FZD3: variants seen among roughly 807,000 people sequenced by gnomAD.
The protein encoded by FZD3 is frizzled-3.
FZD3 carries 30 observed loss-of-function variants against 60.7 expected under a neutral mutation model. The observed-to-expected ratio is 0.49, with a 90% CI of 0.37 to 0.67. FZD3 has a LOEUF of 0.67. FZD3 is among the 30% of genes least tolerant of loss of function. FZD3 has a pLI of 0.00. For synonymous variants in FZD3, 246 were observed against 275.2 expected, an observed-to-expected ratio of 0.89 and a Z score of 1.05; for missense variants, 605 against 838.7, an observed-to-expected ratio of 0.72 and a Z score of 3.44.
chr8:28,527,311 A>G lies in FZD3; in HGVS notation c.551A>G (p.Asp184Gly). 6.2e-7 allele frequency: 1 copy of G among 1,614,022 alleles called. No individual in the cohort carries two copies. The highest frequency in any genetic ancestry group is 8.5e-7 in the Non-Finnish European group (1 of 1,179,928). The stretch of plus-strand genomic sequence containing the variant: ...GGTTATTCTTTTCTGCATGTGCGTG[A>G]TTGTTCACCTCCTTGTCCAAATATG... ...DLGYSFLHVR[D>G]CSPPCPNMYF... The change falls in exon 5 of 8, where the codon GAT (aspartate) becomes GGT (glycine). Residue 184 changes from aspartate to glycine, a missense_variant. Coordinates refer to ENST00000240093, the MANE Select transcript of FZD3 (RefSeq NM_017412.4). The surrounding 1 kb of genome is among the most constrained non-coding windows in gnomAD (Gnocchi z 5.0).
At chr8:28,556,187 G>C (rs1192400628) in intron 7 of FZD3, among the ~76,000 whole-genome samples, 1 of 152,172 alleles carries the variant, frequency 6.6e-6, no homozygotes, top group African/African-American at 2.4e-5. Context: ...GCAGGGGATT[G>C]AGCAGGGAAA....
At chr8:28,523,509 A>G (rs1462995177) in intron 4 of FZD3, among the ~76,000 whole-genome samples, 4 of 151,626 alleles carry the variant, frequency 2.6e-5, no homozygotes, top group Admixed American at 1.3e-4. Context: ...AGCTCACTAT[A>G]GCCTCAAACT....
chr8:28,560,868 C>G (rs1805600834), intron 7 of FZD3, among the ~76,000 whole-genome samples: 1 of 152,092 alleles, frequency 6.6e-6, no homozygotes, highest in South Asian at 2.1e-4. Context: ...TTTTCATCTG[C>G]AAACATTGTC....
rs373092388 is a variant in FZD3, at chr8:28,528,175, C to A, written c.1404+11C>A. On this transcript the variant is annotated intron_variant, in intron 5 of 7. Coordinates refer to ENST00000240093, the MANE Select transcript of FZD3 (RefSeq NM_017412.4). ...CCATGTCCATATCAGGTAAGGGAAA[C>A]CTTGTTACAAATTTCAGAATATATG... is the stretch of plus-strand genomic sequence containing the variant. The A allele has an allele frequency of 6.4e-5, 101 of 1,578,082 alleles. No individual in the cohort carries two copies. In the African/African-American group the frequency reaches 1.2e-3, roughly 19 times the overall value.
intron 3 of FZD3, among the ~76,000 whole-genome samples, chr8:28,516,142 T>A (rs776946582): frequency 4.6e-5 from 7 of 152,222 alleles, no homozygotes; most frequent in Admixed American, 6.5e-5. Context: ...TTGTTCAGTA[T>A]CTTTTGTTGA....
In FZD3 at chr8:28,569,492, G is replaced by T. The variant is rs1291524866; in HGVS notation, c.*6481G>T. 1 of 150,886 alleles carries T rather than the reference G, an allele frequency of 6.6e-6. No homozygotes were observed. The highest frequency in any genetic ancestry group is 1.5e-5 in the Non-Finnish European group (1 of 67,648). The allele number at this position is 150,886 out of a possible 1,614,324, so 9.3% of individuals were successfully genotyped here. A position where few individuals can be genotyped will look rare whatever the true frequency, so the allele number is the denominator to read the frequency against. On this transcript the variant is annotated 3_prime_UTR_variant, in exon 8 of 8. Coordinates refer to ENST00000240093, the MANE Select transcript of FZD3 (RefSeq NM_017412.4). ...TAAAATTCCGCCCAGCTCTCATTTG[G>T]TTCTCATTTGACCATTTTATAATCA...
chr8:28,549,988 T>C (rs970768979), intron 5 of FZD3, among the ~76,000 whole-genome samples: 1 of 152,168 alleles, frequency 6.6e-6, no homozygotes, highest in African/African-American at 2.4e-5. Context: ...AATAAATAAG[T>C]TTCTTTATGG....
intron 3 of FZD3, among the ~76,000 whole-genome samples, chr8:28,516,975 A>G (rs531337231): frequency 3.7e-4 from 56 of 152,210 alleles, no homozygotes; most frequent in African/African-American, 1.3e-3. Context: ...ATGCATGTTA[A>G]TTTTACATGT....
At position 28,495,267 on chromosome 8, in the gene FZD3, C is replaced by T. The variant is rs116590489; in HGVS notation, c.-391+924C>T. Among the ~76,000 whole-genome samples, 518 of 152,288 alleles carry T rather than the reference C, an allele frequency of 3.4e-3. 2 individuals are homozygous for T. The highest frequency in any genetic ancestry group is 0.012 in the African/African-American group (499 of 41,556). On this transcript the variant is annotated intron_variant, in intron 1 of 7. Transcript: ENST00000240093. ...GGAGTAGATTTCAGATTTAGAGAGA[C>T]TGGCTCCATGAAGGAGGTCCGGCGG...
chr8:28,501,382 GT>G (rs1361333250), intron 2 of FZD3, among the ~76,000 whole-genome samples: 1 of 152,174 alleles, frequency 6.6e-6, no homozygotes, highest in Non-Finnish European at 1.5e-5. Flanking sequence ...ACAGAGGACA[GT>G]TTCTTTCCCC....
chr8:28,520,583 G>A, intron 3 of FZD3, 55 bp from the exon 4 acceptor site: 7 of 979,118 alleles, frequency 7.1e-6, no homozygotes, highest in Admixed American at 2.7e-5. Flanking sequence ...ATTATAGAAA[G>A]CTTTAACTTG....
intron 4 of FZD3, among the ~76,000 whole-genome samples, chr8:28,526,230 G>A (rs1804712425): frequency 6.6e-6 from 1 of 152,134 alleles, no homozygotes; most frequent in East Asian, 1.9e-4. Flanking sequence ...TCTGCAACGT[G>A]CTTACCTCTC....
chr8:28,553,901 C>T (rs570827983), intron 6 of FZD3, among the ~76,000 whole-genome samples: 3 of 152,328 alleles, frequency 2.0e-5, no homozygotes, highest in Admixed American at 1.3e-4. Context: ...AATCATTTAA[C>T]GCTGTAAACA....
At chr8:28,533,740 C>T (rs1804937616) in intron 5 of FZD3, among the ~76,000 whole-genome samples, 1 of 152,144 alleles carries the variant, frequency 6.6e-6, no homozygotes, top group Admixed American at 6.5e-5. Context: ...GTTAGTAACA[C>T]TTGGATACGT....
Position 28,502,928 on chromosome 8 carries a change from T to G in FZD3, c.-86T>G. ...ACAGTAAGATACAGAAGAAGTACCT[T>G]CGAGCTGAGACCTGCAGGTGTATAA... On this transcript the variant is annotated 5_prime_UTR_variant, in exon 3 of 8. Transcript: ENST00000240093. 2 of 803,564 alleles carry G rather than the reference T, an allele frequency of 2.5e-6. No homozygotes were observed. Among genetic ancestry groups the G allele is most frequent in the Non-Finnish European group, 4.0e-6 (2 of 496,796 alleles). The allele number at this position is 803,564 out of a possible 1,614,324, so 49.8% of individuals were successfully genotyped here.
intron 1 of FZD3, among the ~76,000 whole-genome samples, chr8:28,497,824 A>T (rs907342423): frequency 3.3e-5 from 5 of 152,018 alleles, no homozygotes; most frequent in Non-Finnish European, 2.9e-5. Context: ...TTTCCTCTTC[A>T]CAGTTGCCAC....
chr8:28,505,668 T>C (rs1804119687), intron 3 of FZD3, among the ~76,000 whole-genome samples: 1 of 152,208 alleles, frequency 6.6e-6, no homozygotes, highest in Admixed American at 6.5e-5. Flanking sequence ...ATTCCTTTAC[T>C]GTTTTGTGAG....
intron 3 of FZD3, among the ~76,000 whole-genome samples, chr8:28,515,283 T>G (rs1343177261): frequency 2.6e-5 from 4 of 152,134 alleles, no homozygotes; most frequent in South Asian, 2.1e-4. Context: ...TCTTGTCTCC[T>G]CAGAAGAATT....
At chr8:28,559,214 G>A (rs1805570851) in intron 7 of FZD3, among the ~76,000 whole-genome samples, 1 of 152,158 alleles carries the variant, frequency 6.6e-6, no homozygotes, top group African/African-American at 2.4e-5. Context: ...TCAATATAAG[G>A]TAGTTGGCAA....
Sources: gnomAD v4.1 joint callset for allele counts (sites outside exome capture counted in the v4.1 genomes callset) on GRCh38, gnomAD v4.1.1 for gene constraint, Gnocchi (gnomAD v3.1) non-coding constraint, MANE v1.5 for transcripts, NCBI Gene and HGNC (gene_info 2026-07-23, HGNC 2026-07-21) for gene names.